Variants in RNPEP observed in about 807,000 individuals in gnomAD.
RNPEP encodes aminopeptidase B.
A neutral mutation model predicts 70.1 loss-of-function variants in RNPEP; 57 were observed. The observed-to-expected ratio is 0.81, with a 90% CI of 0.66 to 1.01. RNPEP has a LOEUF of 1.01. Ranked by LOEUF, RNPEP falls within the 50% of genes least tolerant of loss-of-function variation. The pLI is 0.00. For missense variants in RNPEP, 787 were observed against 852.4 expected, an observed-to-expected ratio of 0.92 and a Z score of 0.96; for synonymous variants, 335 against 357.4, an observed-to-expected ratio of 0.94 and a Z score of 0.71.
At chr1:201,998,230 C>CTTTTTTTTTTTTTT (rs34549362) in intron 5 of RNPEP, among the ~76,000 whole-genome samples, 1 of 116,680 alleles carries the variant, frequency 8.6e-6, no homozygotes, top group Non-Finnish European at 1.7e-5. Flanking sequence ...TGGGTCTGAA[C>CTTTTTTTTTTTTTT]TTTTTTTTTT....
chr1:201,996,355 C>G, intron 4 of RNPEP, 92 bp downstream of exon 4: 1 of 900,536 alleles, frequency 1.1e-6, no homozygotes, highest in East Asian at 2.4e-5. Flanking sequence ...CCTCCTGCCT[C>G]CCAGAGCAAA....
Position 202,003,680 on chromosome 1 carries a change from G to A in RNPEP, c.1651+219G>A, listed in dbSNP as rs527801150. ...CACTCCACAAGGAATGTGCCATCGG[G>A]AGGTTATGGGTTCTACTTACAAGCA... On this transcript the variant is annotated intron_variant, in intron 9 of 10. Transcript: ENST00000295640. Among the ~76,000 whole-genome samples the A allele has an allele frequency of 1.1e-4, 16 of 152,278 alleles. No homozygotes were observed. The South Asian group carries it at 3.3e-3, about 32-fold the overall frequency.
intron 3 of RNPEP, chr1:201,995,676 T>TA (rs200798934): frequency 0.01 from 1,548 of 154,608 alleles, 26 homozygotes; most frequent in African/African-American, 0.034. Flanking sequence ...GAACCTGTCT[T>TA]AAAAAAAAAA....
intron 8 of RNPEP, 86 bp from the exon 9 acceptor site, chr1:202,003,151 A>C: frequency 1.1e-6 from 1 of 894,480 alleles, no homozygotes; most frequent in Non-Finnish European, 1.7e-6. Flanking sequence ...AGAGAGGAGA[A>C]ACTTGAGGTC....
chr1:201,999,543 AAAAAT>A (rs1454442812), intron 5 of RNPEP, among the ~76,000 whole-genome samples: 1 of 152,224 alleles, frequency 6.6e-6, no homozygotes, highest in East Asian at 1.9e-4. Flanking sequence ...CTTTGTCTCA[AAAAAT>A]AAAATAATAA....
chr1:202,005,223 A>C lies in RNPEP; in HGVS notation c.1795-335A>C, dbSNP rs577212299. On this transcript the variant is annotated intron_variant, in intron 10 of 10. Coordinates refer to ENST00000295640, the MANE Select transcript of RNPEP (RefSeq NM_020216.4). ...TGAGCTTTATGTGCCGCAGCTGCTG[A>C]TATCTGCTATTCACGTGGTGGCTCA... Among the ~76,000 whole-genome samples, 35 of 152,270 alleles carry C rather than the reference A, an allele frequency of 2.3e-4. No homozygotes were observed. The South Asian group carries it at 7.0e-3, about 31-fold the overall frequency.
chr1:201,984,836 T>TG (rs1683075456), intron 1 of RNPEP, among the ~76,000 whole-genome samples: 6 of 114,220 alleles, frequency 5.3e-5, no homozygotes, highest in African/African-American at 2.0e-4. Flanking sequence ...TTTTTTTTTT[T>TG]TTTTTTTTTT....
At chr1:201,990,687 A>G (rs1188420255) in intron 3 of RNPEP, among the ~76,000 whole-genome samples, 1 of 152,212 alleles carries the variant, frequency 6.6e-6, no homozygotes, top group East Asian at 1.9e-4. Flanking sequence ...AGTTGGAATA[A>G]TAAATGGGAT....
At position 201,996,465 on chromosome 1, in the gene RNPEP, TTGTGTG is replaced by T. The variant is rs71281164; in HGVS notation, c.854+240_854+245del. 664 of 233,014 alleles carry T rather than the reference TTGTGTG, an allele frequency of 2.8e-3. 2 individuals are homozygous for T. The highest frequency in any genetic ancestry group is 0.022 in the East Asian group (178 of 8,224). 14.4% of individuals were successfully genotyped at this position (233,014 alleles called of 1,614,324 possible). A position where few individuals can be genotyped will look rare whatever the true frequency, so the allele number is the denominator to read the frequency against. On this transcript the variant is annotated intron_variant, in intron 4 of 10. Transcript: ENST00000295640. ...GAGAGGGCCTAGGAGATGAGGTTCT[TTGTGTG>T]TGTGTGTGTGTGTGTGTGTGTGTGT... is the stretch of plus-strand genomic sequence containing the variant.
At chr1:201,985,304 C>A (rs1683096355) in intron 1 of RNPEP, among the ~76,000 whole-genome samples, 1 of 152,084 alleles carries the variant, frequency 6.6e-6, no homozygotes, top group African/African-American at 2.4e-5. Context: ...TATAGTGGCA[C>A]CATCTCAGCT....
At chr1:201,991,227 G>A (rs1465001286) in intron 3 of RNPEP, among the ~76,000 whole-genome samples, 1 of 152,140 alleles carries the variant, frequency 6.6e-6, no homozygotes, top group Non-Finnish European at 1.5e-5. Flanking sequence ...TGATTCTCCT[G>A]CCTCAGCCTC....
chr1:202,004,603 G>C lies in RNPEP; in HGVS notation c.1794+107G>C, dbSNP rs561123381. ...TCATCTAGGACTCATCTGAGGCACAGAGGGAGGGGCAAATGACCTGAGGAC... is the reference window on the plus strand; with the variant it reads ...TCATCTAGGACTCATCTGAGGCACACAGGGAGGGGCAAATGACCTGAGGAC... On this transcript the variant is annotated intron_variant, in intron 10 of 10. Coordinates refer to ENST00000295640, the MANE Select transcript of RNPEP (RefSeq NM_020216.4). The C allele has an allele frequency of 3.8e-5, 53 of 1,379,960 alleles. No homozygotes were observed. The South Asian group carries it at 5.6e-4, about 14-fold the overall frequency. 85.5% of individuals were successfully genotyped at this position (1,379,960 alleles called of 1,614,324 possible).
At chr1:202,003,736 T>C (rs1205454343) in intron 9 of RNPEP, among the ~76,000 whole-genome samples, 1 of 152,206 alleles carries the variant, frequency 6.6e-6, no homozygotes, top group Non-Finnish European at 1.5e-5. Context: ...AGCCTGGCAT[T>C]GCTCAAGTCC....
Position 202,005,616 on chromosome 1 carries a change from C to T in RNPEP, c.1853C>T (p.Ala618Val). Residue 618 changes from alanine to valine, a missense_variant, in exon 11 of 11, where the codon GCC (alanine) becomes GTC (valine). By Grantham distance (64) the Ala-to-Val change is moderately conservative. Transcript: ENST00000295640. Reference sequence around the variant, plus strand: ...GCAATGATGGGTGGCAGTGAGGTGGCCCAGACCCTCGCCAAGGAGACTTTT... The same window carrying T: ...GCAATGATGGGTGGCAGTGAGGTGGTCCAGACCCTCGCCAAGGAGACTTTT... The part of the protein sequence containing the change: ...YHAMMGGSEV[A>V]QTLAKETFAS... The T allele has an allele frequency of 6.2e-7, 1 of 1,614,156 alleles. No individual in the cohort carries two copies. Among genetic ancestry groups the T allele is most frequent in the Non-Finnish European group, 8.5e-7 (1 of 1,180,012 alleles).
chr1:201,998,414 T>C (rs1462611827), intron 5 of RNPEP, among the ~76,000 whole-genome samples: 2 of 151,962 alleles, frequency 1.3e-5, no homozygotes, highest in African/African-American at 4.8e-5. Flanking sequence ...CCCAGCTAGT[T>C]TTTATGTTTT....
chr1:202,000,866 C>G (rs1683767137), intron 6 of RNPEP: 1 of 148,908 alleles, frequency 6.7e-6, no homozygotes, highest in Admixed American at 7.0e-5. Flanking sequence ...TGCACTCCAG[C>G]CTGGGTGATA....
At chr1:201,990,560 C>A (rs923169430) in intron 3 of RNPEP, among the ~76,000 whole-genome samples, 1 of 152,204 alleles carries the variant, frequency 6.6e-6, no homozygotes, top group Non-Finnish European at 1.5e-5. Context: ...TTATCTCTGG[C>A]CCTGCTCCCA....
rs942577660 is a variant in RNPEP at position 202,001,678 on chromosome 1, A to C, written c.1337A>C (p.Lys446Thr). The C allele has an allele frequency of 6.2e-7, 1 of 1,613,628 alleles. No homozygotes were observed. Among genetic ancestry groups the C allele is most frequent in the South Asian group, 1.1e-5 (1 of 91,066 alleles). ...SFLKAYVHEF[K>T]FRSILADDFL... ...TCACAGGCCTATGTGCATGAATTCAAATTCCGAAGCATCTTAGCCGATGAC... is the reference window on the plus strand; with the variant it reads ...TCACAGGCCTATGTGCATGAATTCACATTCCGAAGCATCTTAGCCGATGAC... Residue 446 changes from lysine to threonine, a missense_variant, in exon 8 of 11, where the codon AAA (lysine) becomes ACA (threonine). Coordinates refer to ENST00000295640, the MANE Select transcript of RNPEP (RefSeq NM_020216.4).
chr1:202,003,227 T>C lies in RNPEP; in HGVS notation c.1427-10T>C, dbSNP rs374645705. The C allele has an allele frequency of 1.0e-5, 16 of 1,603,068 alleles. No homozygotes were observed. Among genetic ancestry groups the C allele is most frequent in the Middle Eastern group, 3.9e-4 (2 of 5,118 alleles). On this transcript the variant is annotated splice_polypyrimidine_tract_variant and intron_variant, in intron 8 of 10. Transcript: ENST00000295640. ...AGAATTCTGATAGTGTCTTCTCTCC[T>C]CCCAAACAGGTTTTGAGTTTGATCG...
Sources: allele counts gnomAD v4.1 joint callset (sites outside exome capture counted in the v4.1 genomes callset), GRCh38; gene constraint gnomAD v4.1.1; transcripts MANE v1.5; gene names NCBI Gene and HGNC (gene_info 2026-07-23, HGNC 2026-07-21).